The following MBD5 variants were observed in gnomAD, a reference collection of about 807,000 sequenced individuals.
MBD5 encodes the protein methyl-CpG binding domain protein 5, also known as methyl-CpG-binding domain protein 5.
MBD5 carries 13 observed loss-of-function variants against 117.3 expected under a neutral mutation model. The observed-to-expected ratio is 0.11, with a 90% confidence interval of 0.07 to 0.18. The LOEUF (loss-of-function observed/expected upper bound fraction) is 0.18. Among genes scored for constraint, MBD5 ranks in the 10% least tolerant of loss-of-function variants. MBD5 has a pLI of 1.00. For synonymous variants in MBD5, 727 were observed against 766.4 expected, an observed-to-expected ratio of 0.95 and a Z score of 0.85; for missense variants, 1,879 against 2,093.8, an observed-to-expected ratio of 0.90 and a Z score of 2.00.
At chr2:148,447,902 A>G (rs1468254290) in intron 4 of MBD5, among the ~76,000 whole-genome samples, 1 of 152,064 alleles carries the variant, frequency 6.6e-6, no homozygotes. Flanking sequence ...CATTTTGCTT[A>G]TCTGTTTGTT....
chr2:148,176,022 C>A (rs1342421713), intron 1 of MBD5, among the ~76,000 whole-genome samples: 2 of 152,020 alleles, frequency 1.3e-5, no homozygotes, highest in African/African-American at 4.8e-5. Context: ...TGATTGAATT[C>A]TTTTGTGATG....
chr2:148,358,802 A>G (rs551936408), intron 4 of MBD5, among the ~76,000 whole-genome samples: 1 of 152,144 alleles, frequency 6.6e-6, no homozygotes, highest in South Asian at 2.1e-4. Flanking sequence ...AAAAAAATTA[A>G]AAGACAAAAT....
At position 148,392,936 on chromosome 2, in the gene MBD5, A is replaced by G. The variant is rs143340618; in HGVS notation, c.-557+50600A>G. On this transcript the variant is annotated intron_variant, in intron 4 of 13. Coordinates refer to ENST00000642680, the MANE Select transcript of MBD5 (RefSeq NM_001378120.1). ...ATGAAAGATTTATTTTCATTTCTTT[A>G]TTTAATGTCATTGCAAATTGGAAAC... is the stretch of plus-strand genomic sequence containing the variant. Among the ~76,000 whole-genome samples, 425 of 152,256 alleles carry G rather than the reference A, an allele frequency of 2.8e-3. 1 individual carries two copies. The highest frequency in any genetic ancestry group is 9.9e-3 in the African/African-American group (410 of 41,574).
chr2:148,354,028 C>G (rs183472697), intron 4 of MBD5, among the ~76,000 whole-genome samples: 5 of 152,268 alleles, frequency 3.3e-5, no homozygotes, highest in African/African-American at 1.2e-4. Context: ...AACTCTTCTT[C>G]TTCCTGATTT....
At chr2:148,410,691 G>A (rs555383764) in intron 4 of MBD5, among the ~76,000 whole-genome samples, 6 of 152,176 alleles carry the variant, frequency 3.9e-5, no homozygotes, top group South Asian at 2.1e-4. Context: ...CTCGTCCTCC[G>A]ACAGTGCTGG....
At chr2:148,136,432 G>C (rs1452094324) in intron 1 of MBD5, among the ~76,000 whole-genome samples, 1 of 152,134 alleles carries the variant, frequency 6.6e-6, no homozygotes, top group Non-Finnish European at 1.5e-5. Context: ...ATTTGATATT[G>C]GGAAGGTATA....
chr2:148,401,589 A>T (rs1704923077), intron 4 of MBD5, among the ~76,000 whole-genome samples: 1 of 152,128 alleles, frequency 6.6e-6, no homozygotes, highest in Admixed American at 6.6e-5. Flanking sequence ...TTTTAAAAAA[A>T]TTATTTTGAA....
chr2:148,041,883 T>C (rs1021473176), intron 1 of MBD5, among the ~76,000 whole-genome samples: 1 of 152,162 alleles, frequency 6.6e-6, no homozygotes, highest in Admixed American at 6.5e-5. Context: ...AATAAGAAAG[T>C]CTTAACATGG....
chr2:148,122,381 A>G (rs1696790215), intron 1 of MBD5, among the ~76,000 whole-genome samples: 1 of 152,218 alleles, frequency 6.6e-6, no homozygotes, highest in African/African-American at 2.4e-5. Flanking sequence ...TAAAAGAGGA[A>G]TCTTAAAAAT....
chr2:148,281,291 G>A (rs1382198746), intron 3 of MBD5, among the ~76,000 whole-genome samples: 1 of 152,074 alleles, frequency 6.6e-6, no homozygotes, highest in Non-Finnish European at 1.5e-5. Flanking sequence ...CACATTCTCA[G>A]TGAATTGCTC....
chr2:148,378,488 C>T (rs1053714696), intron 4 of MBD5, among the ~76,000 whole-genome samples: 4 of 152,018 alleles, frequency 2.6e-5, no homozygotes, highest in East Asian at 1.9e-4. Context: ...TTTTTCCTCT[C>T]GCTTTTAAGT....
intron 4 of MBD5, among the ~76,000 whole-genome samples, chr2:148,385,774 G>A (rs990765729): frequency 1.8e-5 from 2 of 109,206 alleles, no homozygotes; most frequent in Non-Finnish European, 3.9e-5. Flanking sequence ...GGAATACTAT[G>A]CAGCCATAAA....
At chr2:148,318,014 C>T (rs959964157) in intron 3 of MBD5, among the ~76,000 whole-genome samples, 1 of 152,122 alleles carries the variant, frequency 6.6e-6, no homozygotes, top group African/African-American at 2.4e-5. Context: ...ATTCTTAGTT[C>T]TTGAAGAACT....
intron 4 of MBD5, among the ~76,000 whole-genome samples, chr2:148,348,244 A>G (rs1237937418): frequency 6.6e-6 from 1 of 151,858 alleles, no homozygotes. Flanking sequence ...ACACAACTTT[A>G]GCCCGTACCT....
intron 1 of MBD5, among the ~76,000 whole-genome samples, chr2:148,176,186 G>A (rs1424663064): frequency 6.6e-6 from 1 of 151,910 alleles, no homozygotes; most frequent in East Asian, 1.9e-4. Context: ...CTTCAAACTA[G>A]GTAAGGAAAA....
chr2:148,408,726 G>A (rs1705157149), intron 4 of MBD5, among the ~76,000 whole-genome samples: 1 of 152,002 alleles, frequency 6.6e-6, no homozygotes. Context: ...AATCTAATTG[G>A]CTCTCTGTAT....
At chr2:148,158,487 C>T (rs1459333116) in intron 1 of MBD5, among the ~76,000 whole-genome samples, 2 of 152,188 alleles carry the variant, frequency 1.3e-5, no homozygotes, top group Non-Finnish European at 2.9e-5. Flanking sequence ...TCATTATACC[C>T]AGAGCCTAAA....
intron 1 of MBD5, among the ~76,000 whole-genome samples, chr2:148,164,468 T>C (rs1698081065): frequency 6.6e-6 from 1 of 152,136 alleles, no homozygotes; most frequent in African/African-American, 2.4e-5. Context: ...TTAAGTATTA[T>C]ATTATTTAGT....
intron 3 of MBD5, among the ~76,000 whole-genome samples, chr2:148,294,196 GTTTTTTTTTTTTTTTTTTTTTTTTT>G (rs60942822): frequency 1.6e-5 from 2 of 127,148 alleles, no homozygotes; most frequent in African/African-American, 5.9e-5. Flanking sequence ...CCAGAATGAA[GTTTTTTTTTTTTTTTTTTTTTTTTT>G]TTTTTTTTTT....
Sources: allele counts gnomAD v4.1 joint callset (sites outside exome capture counted in the v4.1 genomes callset), GRCh38; gene constraint gnomAD v4.1.1; transcripts MANE v1.5; gene names NCBI Gene and HGNC (gene_info 2026-07-23, HGNC 2026-07-21).